The following ABR variants were observed in gnomAD, a reference collection of about 807,000 sequenced individuals.
ABR encodes active breakpoint cluster region-related protein.
Under a neutral mutation model 107.2 loss-of-function variants are expected in ABR, and 35 were observed. That is an observed-to-expected ratio of 0.33 (90% CI 0.25 to 0.43). The LOEUF is 0.43. ABR is among the 20% of genes least tolerant of loss of function. The pLI, the probability that ABR is intolerant of heterozygous loss-of-function variation, is 1.00. For synonymous variants in ABR, 498 were observed against 462.0 expected (o/e 1.08, Z -1.00); for missense variants, 815 against 1,115.2 (o/e 0.73, Z 3.83).
At position 1,049,960 on chromosome 17, in the gene ABR, G is replaced by A. The variant is rs115221204; in HGVS notation, c.1791+90C>T. 4,646 of 1,499,658 alleles carry A rather than the reference G, an allele frequency of 3.1e-3. 122 individuals are homozygous for A. The African/African-American group carries it at 0.052, about 17-fold the overall frequency. 92.9% of individuals were successfully genotyped at this position (1,499,658 alleles called of 1,614,324 possible). ...CCAACCAGCTTGGAACCAAAATCAC[G>A]AAAGAGCAGGCTCCTTGACCAGAAT... is the stretch of plus-strand genomic sequence containing the variant. On this transcript the variant is annotated intron_variant, in intron 16 of 22. Transcript: ENST00000302538.
At chr17:1,031,538 CCCGA>C in intron 16 of ABR, 5 of 465,394 alleles carry the variant, frequency 1.1e-5, no homozygotes, top group East Asian at 8.4e-5. Context: ...CCCGCAGCCC[CCCGA>C]GCCCCGCAGC....
intron 16 of ABR, among the ~76,000 whole-genome samples, chr17:1,048,692 G>A (rs1246237693): frequency 1.4e-5 from 2 of 144,482 alleles, no homozygotes; most frequent in Admixed American, 6.8e-5. Flanking sequence ...CACCTCCGGG[G>A]CCACGGTCAA....
chr17:1,100,981 G>A, intron 2 of ABR: 1 of 535,980 alleles, frequency 1.9e-6, no homozygotes. Context: ...CTGCCACCAT[G>A]CCCAGATAAT....
intron 1 of ABR, among the ~76,000 whole-genome samples, chr17:1,127,580 G>A (rs918390873): frequency 2.6e-5 from 4 of 152,168 alleles, no homozygotes; most frequent in Admixed American, 6.5e-5. Flanking sequence ...GCCTCCCGCC[G>A]GCCCCTCCCT....
At chr17:1,031,576 A>C in intron 16 of ABR, 1 of 498,294 alleles carries the variant, frequency 2.0e-6, no homozygotes, top group Non-Finnish European at 2.4e-6. Context: ...CACCCCCCGG[A>C]ACCTCCAGCC....
At chr17:1,212,912 T>G (rs1017089827) in intron 1 of ABR, among the ~76,000 whole-genome samples, 1 of 150,426 alleles carries the variant, frequency 6.6e-6, no homozygotes, top group African/African-American at 2.4e-5. Context: ...GAGAGAGAGA[T>G]AAAGAGATAC....
intron 4 of ABR, among the ~76,000 whole-genome samples, chr17:1,089,970 AG>A: frequency 6.6e-6 from 1 of 152,346 alleles, no homozygotes; most frequent in East Asian, 1.9e-4. Flanking sequence ...CAACAAAAAA[AG>A]GAAATGCAGT....
At chr17:1,047,538 T>C (rs2376594) in intron 16 of ABR, among the ~76,000 whole-genome samples, 23,831 of 152,250 alleles carry the variant, frequency 0.16, 2,338 homozygotes, top group Admixed American at 0.25. Context: ...GGCCTTGGCA[T>C]GCTGAGTGCT....
At chr17:1,152,093 T>A (rs1394882998) in intron 1 of ABR, among the ~76,000 whole-genome samples, 2 of 151,132 alleles carry the variant, frequency 1.3e-5, no homozygotes, top group African/African-American at 4.9e-5. Flanking sequence ...ATCGAGACCA[T>A]CCTGGTTAAC....
At position 1,150,854 on chromosome 17, in the gene ABR, T is replaced by C. The variant is rs550522138; in HGVS notation, c.62-25487A>G. On this transcript the variant is annotated intron_variant, in intron 1 of 22. Coordinates refer to ENST00000302538, the MANE Select transcript of ABR (RefSeq NM_021962.5). The surrounding 1 kb of genome is among the most constrained non-coding windows in gnomAD (Gnocchi z 4.8). Reference sequence around the variant, plus strand: ...ACACAGAGGCCCACGAGCCCATTCCTGAGCCTCCCTCCCTTGCTGAGCTAC... The same window carrying C: ...ACACAGAGGCCCACGAGCCCATTCCCGAGCCTCCCTCCCTTGCTGAGCTAC... 6.6e-5 allele frequency among the ~76,000 whole-genome samples: 10 copies of C among 152,280 alleles called. No individual in the cohort carries two copies. The South Asian group carries it at 2.1e-3, about 32-fold the overall frequency.
chr17:1,029,493 T>C (rs761986708), intron 16 of ABR, among the ~76,000 whole-genome samples: 12 of 151,996 alleles, frequency 7.9e-5, no homozygotes, highest in Non-Finnish European at 1.6e-4. Flanking sequence ...AACCTTCAGG[T>C]CAGTGGAAGC....
intron 1 of ABR, chr17:1,153,716 CACCTACGGGAGGGCTGGGGGT>C (rs2040917852): frequency 7.5e-6 from 1 of 133,572 alleles, no homozygotes; most frequent in Non-Finnish European, 1.5e-5. Flanking sequence ...GGTCCAGGCA[CACCTACGGGAGGGCTGGGGGT>C]CCAGGCACAC....
intron 2 of ABR, among the ~76,000 whole-genome samples, chr17:1,122,146 G>A (rs2039384280): frequency 6.6e-6 from 1 of 152,176 alleles, no homozygotes. Flanking sequence ...CAGGTAATCT[G>A]GCTGCCTCAG....
rs188932693 is a variant in ABR, at chr17:1,027,856, G to A, written c.1792-14692C>T. On this transcript the variant is annotated intron_variant, in intron 16 of 22. Transcript: ENST00000302538. This position sits in a 1 kb window ranked among gnomAD's most constrained non-coding sequence, Gnocchi z 4.7. ...CCAGACTTCTATTGCAGAAGGCTGC[G>A]AGATCTTTCCTGACGCCCAGACTGG... 1.3e-5 allele frequency among the ~76,000 whole-genome samples: 2 copies of A among 152,038 alleles called. No homozygotes were observed. The highest frequency in any genetic ancestry group is 2.9e-5 in the Non-Finnish European group (2 of 68,008).
intron 1 of ABR, among the ~76,000 whole-genome samples, chr17:1,216,034 C>T (rs1238038249): frequency 6.7e-6 from 1 of 149,502 alleles, no homozygotes; most frequent in Non-Finnish European, 1.5e-5. Flanking sequence ...GACACAAACA[C>T]TGCGGAAGGC....
intron 1 of ABR, among the ~76,000 whole-genome samples, chr17:1,140,425 G>A (rs1199026061): frequency 2.7e-5 from 4 of 150,288 alleles, no homozygotes; most frequent in South Asian, 2.1e-4. Context: ...CCTGAACCAG[G>A]GAACTGGCCA....
At chr17:1,098,512 C>G (rs1032684532) in intron 3 of ABR, among the ~76,000 whole-genome samples, 1 of 152,230 alleles carries the variant, frequency 6.6e-6, no homozygotes, top group Non-Finnish European at 1.5e-5. Context: ...TGCATGCTGA[C>G]ATTTTTTCAT....
intron 2 of ABR, among the ~76,000 whole-genome samples, chr17:1,116,142 C>T (rs1013468975): frequency 4.0e-5 from 6 of 150,312 alleles, no homozygotes; most frequent in African/African-American, 1.5e-4. Context: ...ATCACTTGAA[C>T]CCAGGAGGCG....
At chr17:1,094,730 G>A (rs899694001) in intron 3 of ABR, among the ~76,000 whole-genome samples, 3 of 152,140 alleles carry the variant, frequency 2.0e-5, no homozygotes, top group Admixed American at 6.5e-5. Flanking sequence ...GACTATGGAC[G>A]ATGCGACTGA....
Sources: allele counts gnomAD v4.1 joint callset (sites outside exome capture counted in the v4.1 genomes callset), GRCh38; gene constraint gnomAD v4.1.1; non-coding constraint Gnocchi (gnomAD v3.1); transcripts MANE v1.5; gene names NCBI Gene and HGNC (gene_info 2026-07-23, HGNC 2026-07-21).